WDFY4: variants seen among roughly 807,000 people sequenced by gnomAD.
WDFY4 encodes WDFY family member 4.
In WDFY4, 169 loss-of-function variants were observed where a neutral mutation model predicts 351.9. The ratio of observed to expected loss-of-function variants is 0.48; its 90% confidence interval spans 0.42 to 0.55. The LOEUF is 0.55. Among genes scored for constraint, WDFY4 ranks in the 20% least tolerant of loss-of-function variants. The pLI is 0.00. For synonymous variants in WDFY4, 1,622 were observed against 1,574.6 expected (o/e 1.03, Z -0.71); for missense variants, 3,803 against 3,935.6 (o/e 0.97, Z 0.90).
intron 47 of WDFY4, among the ~76,000 whole-genome samples, chr10:48,907,969 C>T (rs1050068177): frequency 3.3e-5 from 5 of 152,240 alleles, no homozygotes; most frequent in African/African-American, 4.8e-5. Flanking sequence ...GCTGCAGCAT[C>T]TAGGAGCTTG....
intron 19 of WDFY4, among the ~76,000 whole-genome samples, chr10:48,785,624 T>C (rs1378083078): frequency 2.0e-5 from 3 of 152,234 alleles, no homozygotes; most frequent in Non-Finnish European, 4.4e-5. Flanking sequence ...TTTGCATCTT[T>C]GTCAAAAATC....
At chr10:48,869,740 C>A (rs1027005138) in intron 40 of WDFY4, among the ~76,000 whole-genome samples, 1 of 152,180 alleles carries the variant, frequency 6.6e-6, no homozygotes, top group Non-Finnish European at 1.5e-5. Flanking sequence ...AATGACTTAT[C>A]CTGCCTACAC....
chr10:48,939,406 G>A (rs918366392), intron 47 of WDFY4, among the ~76,000 whole-genome samples: 5 of 152,198 alleles, frequency 3.3e-5, no homozygotes, highest in South Asian at 2.1e-4. Context: ...TGGCAAATCA[G>A]AGCGGCTTGC....
chr10:48,912,589 C>A (rs1056679398), intron 47 of WDFY4, among the ~76,000 whole-genome samples: 2 of 152,236 alleles, frequency 1.3e-5, no homozygotes, highest in African/African-American at 2.4e-5. Context: ...GCAAGCCAAG[C>A]TTTCCCCAAA....
At chr10:48,952,986 G>C (rs984544002) in intron 51 of WDFY4, among the ~76,000 whole-genome samples, 1 of 152,214 alleles carries the variant, frequency 6.6e-6, no homozygotes, top group Admixed American at 6.5e-5. Flanking sequence ...GCTACCAAAA[G>C]CTGCCCTGAC....
rs112866355 is a variant in WDFY4 at position 48,871,137 on chromosome 10, G to A, written c.6742-2354G>A. Among the ~76,000 whole-genome samples the A allele has an allele frequency of 8.9e-3, 1,348 of 152,090 alleles. 9 individuals are homozygous for A. Among genetic ancestry groups the A allele is most frequent in the African/African-American group, 0.012 (490 of 41,492 alleles). On this transcript the variant is annotated intron_variant, in intron 40 of 61. Transcript: ENST00000325239. ...TTTTTAGAAGAGACGGGGTTTCACC[G>A]TGTTAGCCAGGATGGTCTCGATCTC...
chr10:48,812,443 G>T (rs2067486230), intron 30 of WDFY4, among the ~76,000 whole-genome samples: 1 of 151,944 alleles, frequency 6.6e-6, no homozygotes. Flanking sequence ...ACCCTCCTTG[G>T]CCTCCCAAAG....
chr10:48,962,669 T>G lies in WDFY4; in HGVS notation c.8224-1173T>G, dbSNP rs531955090. The stretch of plus-strand genomic sequence containing the variant: ...ATGCTAAATTCTTTGGATGACACCT[T>G]TTATGAGGGGCAGATGTTGCTGACT... On this transcript the variant is annotated intron_variant, in intron 53 of 61. Coordinates refer to ENST00000325239, the MANE Select transcript of WDFY4 (RefSeq NM_001394531.1). Among the ~76,000 whole-genome samples the G allele has an allele frequency of 5.3e-5, 8 of 152,276 alleles. No homozygotes were observed. In the South Asian group the frequency reaches 1.7e-3, roughly 32 times the overall value.
In WDFY4 at chr10:48,873,396, G is replaced by A. The variant is rs1440288038; in HGVS notation, c.6742-95G>A. The stretch of plus-strand genomic sequence containing the variant: ...AAGGTATCTTTCTCAAACATTCATG[G>A]GAGACTTGGCTTATTCACCCCAGGA... On this transcript the variant is annotated intron_variant, in intron 40 of 61. Coordinates refer to ENST00000325239, the MANE Select transcript of WDFY4 (RefSeq NM_001394531.1). 4 of 1,343,162 alleles carry A rather than the reference G, an allele frequency of 3.0e-6. No individual in the cohort carries two copies. In the Admixed American group the frequency reaches 1.1e-4, roughly 38 times the overall value. The allele number at this position is 1,343,162 out of a possible 1,614,324, so 83.2% of individuals were successfully genotyped here.
chr10:48,926,963 G>A (rs558175410), intron 47 of WDFY4, among the ~76,000 whole-genome samples: 126 of 152,288 alleles, frequency 8.3e-4, no homozygotes, highest in African/African-American at 2.9e-3. Context: ...AGAGTGTGAA[G>A]ACACAGGATT....
At chr10:48,898,366 G>C (rs1460407355) in intron 45 of WDFY4, among the ~76,000 whole-genome samples, 1 of 152,064 alleles carries the variant, frequency 6.6e-6, no homozygotes, top group African/African-American at 2.4e-5. Context: ...CCAGTCCCTG[G>C]GCCTCCAGGG....
intron 2 of WDFY4, among the ~76,000 whole-genome samples, chr10:48,715,808 CT>C (rs11101438): frequency 0.32 from 45,517 of 141,142 alleles, 7,328 homozygotes; most frequent in East Asian, 0.64. Flanking sequence ...CTTTTCTTTT[CT>C]TTTTTTTTTT....
chr10:48,812,691 C>A (rs953719205), intron 30 of WDFY4, among the ~76,000 whole-genome samples: 1 of 152,148 alleles, frequency 6.6e-6, no homozygotes, highest in African/African-American at 2.4e-5. Context: ...ACCGTATGCA[C>A]CTTCTCCCTT....
intron 15 of WDFY4, among the ~76,000 whole-genome samples, chr10:48,776,256 C>T (rs1218020125): frequency 3.3e-5 from 5 of 152,204 alleles, no homozygotes. Flanking sequence ...AGAAAAGAAA[C>T]TCGTGGACAT....
chr10:48,927,235 C>T (rs184731067), intron 47 of WDFY4, among the ~76,000 whole-genome samples: 1 of 152,186 alleles, frequency 6.6e-6, no homozygotes, highest in African/African-American at 2.4e-5. Flanking sequence ...AACCCTCCCC[C>T]CTGCTTCCAC....
At chr10:48,685,675 AC>A (rs2063024310) in intron 1 of WDFY4, among the ~76,000 whole-genome samples, 1 of 152,180 alleles carries the variant, frequency 6.6e-6, no homozygotes, top group East Asian at 1.9e-4. Context: ...AACTTCTAGA[AC>A]ACTAAACCGA....
At chr10:48,980,490 T>G (rs1842763847) in intron 60 of WDFY4, among the ~76,000 whole-genome samples, 1 of 152,214 alleles carries the variant, frequency 6.6e-6, no homozygotes, top group African/African-American at 2.4e-5. Context: ...TGGAATTCAT[T>G]TATTTGCCAT....
chr10:48,811,343 G>C (rs1159653386), intron 29 of WDFY4, among the ~76,000 whole-genome samples, 196 bp from the exon 30 acceptor site: 2 of 152,214 alleles, frequency 1.3e-5, no homozygotes, highest in Non-Finnish European at 2.9e-5. Context: ...TTGAGTGAAT[G>C]AATGAGCATG....
At chr10:48,787,946 T>C (rs1318247049) in intron 20 of WDFY4, among the ~76,000 whole-genome samples, 1 of 102,632 alleles carries the variant, frequency 9.7e-6, no homozygotes, top group African/African-American at 3.8e-5. Flanking sequence ...CTTCTTCTTC[T>C]TCTTCTTCTT....
Sources: allele counts gnomAD v4.1 joint callset (sites outside exome capture counted in the v4.1 genomes callset), GRCh38; gene constraint gnomAD v4.1.1; transcripts MANE v1.5; gene names NCBI Gene and HGNC (gene_info 2026-07-23, HGNC 2026-07-21).